DRP2: variants seen among roughly 807,000 people sequenced by gnomAD.
The protein encoded by DRP2 is dystrophin-related protein 2.
Under a neutral mutation model 78.2 loss-of-function variants are expected in DRP2, and 29 were observed. That is an observed-to-expected ratio of 0.37 (90% confidence interval 0.28 to 0.51). The LOEUF is 0.51. DRP2 is among the 20% of genes least tolerant of loss of function. The probability of loss-of-function intolerance (pLI) is 0.94; values close to 1 mark genes in which losing one functional copy is unlikely to be tolerated. For missense variants in DRP2, 686 were observed against 770.6 expected (o/e 0.89, Z 1.30); for synonymous variants, 290 against 281.9 (o/e 1.03, Z -0.29).
intron 21 of DRP2, among the ~76,000 whole-genome samples, chrX:101,257,098 T>C (rs1013487346): frequency 9.1e-6 from 1 of 109,978 alleles, no homozygotes. Flanking sequence ...GACATGACTT[T>C]CCATAAAGTA....
At chrX:101,231,876 AAC>A in intron 3 of DRP2, 112 bp downstream of exon 3, 2 of 570,850 alleles carry the variant, frequency 3.5e-6, no homozygotes, top group African/African-American at 2.3e-5. Context: ...GTATACATGC[AAC>A]CCCTTGGATA....
intron 2 of DRP2, among the ~76,000 whole-genome samples, chrX:101,230,774 A>G (rs993399746): frequency 2.7e-5 from 3 of 110,737 alleles, no homozygotes; most frequent in African/African-American, 9.9e-5. Flanking sequence ...TTTAACCTTC[A>G]CTGCCTAATG....
chrX:101,224,191 G>GTTTTTTTTTTTTTTTTTTTTTTTTTTT (rs1167730116), intron 1 of DRP2, among the ~76,000 whole-genome samples: 5 of 38,868 alleles, frequency 1.3e-4, no homozygotes, highest in Admixed American at 4.5e-4. Context: ...GGTTTTTTTT[G>GTTTTTTTTTTTTTTTTTTTTTTTTTTT]TTTTTTTTTT....
intron 14 of DRP2, among the ~76,000 whole-genome samples, chrX:101,249,566 T>G (rs1457145854): frequency 1.8e-5 from 2 of 111,296 alleles, no homozygotes; most frequent in Non-Finnish European, 3.8e-5. Context: ...AAGTCCAGCC[T>G]AGACAATATA....
At chrX:101,220,252 G>T (rs1206184099) in intron 1 of DRP2, 106 bp downstream of exon 1, 6 of 106,621 alleles carry the variant, frequency 5.6e-5, no homozygotes, top group Non-Finnish European at 9.6e-5. Flanking sequence ...CGGGCGAGGG[G>T]TGGGGGGAGA....
At chrX:101,246,412 T>C (rs1036882500) in intron 11 of DRP2, among the ~76,000 whole-genome samples, 2 of 112,818 alleles carry the variant, frequency 1.8e-5, no homozygotes, top group African/African-American at 6.4e-5. Context: ...CAGTTCATTC[T>C]TTTTTACCAC....
rs756173277 is a variant in DRP2, at chrX:101,236,418, T to C, written c.281+395T>C. Among the ~76,000 whole-genome samples the C allele has an allele frequency of 5.4e-5, 6 of 112,128 alleles. No homozygotes were observed. In the East Asian group the frequency reaches 1.7e-3, roughly 31 times the overall value. ...ATAAATGAAGGGGATGATTGCTCCCTTCTCCTCTTCCTCTCATAGCTGTCC... is the reference window on the plus strand; with the variant it reads ...ATAAATGAAGGGGATGATTGCTCCCCTCTCCTCTTCCTCTCATAGCTGTCC... On this transcript the variant is annotated intron_variant, in intron 4 of 23. Transcript: ENST00000395209.
chrX:101,259,741 G>T (rs1017384717), intron 22 of DRP2, among the ~76,000 whole-genome samples: 3 of 111,654 alleles, frequency 2.7e-5, no homozygotes, highest in Non-Finnish European at 3.8e-5. Flanking sequence ...CAGGTGATCC[G>T]CCTGCGTCAG....
intron 6 of DRP2, among the ~76,000 whole-genome samples, chrX:101,240,688 C>T (rs747981424): frequency 4.5e-4 from 51 of 112,436 alleles, no homozygotes; most frequent in African/African-American, 1.6e-3. Context: ...GAATCCTCAA[C>T]CCTCTGAGAT....
chrX:101,256,668 C>G (rs1307583568), intron 21 of DRP2, among the ~76,000 whole-genome samples: 2 of 107,128 alleles, frequency 1.9e-5, no homozygotes, highest in Non-Finnish European at 3.8e-5. Flanking sequence ...CATGCCTTAG[C>G]GTCCCGAGTA....
At chrX:101,250,858 T>C in intron 15 of DRP2, 59 bp from the exon 16 acceptor site, 2 of 1,180,001 alleles carry the variant, frequency 1.7e-6, no homozygotes, top group South Asian at 1.9e-5. Context: ...AGGGCTGCCA[T>C]TCTAGGGATA....
intron 2 of DRP2, among the ~76,000 whole-genome samples, chrX:101,227,276 T>C (rs1032888536): frequency 7.2e-5 from 8 of 111,846 alleles, no homozygotes; most frequent in African/African-American, 2.6e-4. Flanking sequence ...TTTTTTTTGT[T>C]TGTTTATATG....
intron 3 of DRP2, among the ~76,000 whole-genome samples, chrX:101,232,848 C>T (rs1047961190): frequency 8.9e-6 from 1 of 112,304 alleles, no homozygotes; most frequent in African/African-American, 3.2e-5. Context: ...TTGTCTACCC[C>T]CTCCAAACAC....
intron 10 of DRP2, 23 bp from the exon 11 acceptor site, chrX:101,245,365 A>G: frequency 8.4e-7 from 1 of 1,189,357 alleles, no homozygotes; most frequent in Non-Finnish European, 1.1e-6. Context: ...AGATGCTGGT[A>G]CTATTGATGC....
chrX:101,239,798 C>T (rs1279779288), intron 6 of DRP2, among the ~76,000 whole-genome samples: 1 of 111,494 alleles, frequency 9.0e-6, no homozygotes, highest in Non-Finnish European at 1.9e-5. Flanking sequence ...AGGATGGTCT[C>T]AATCTCCTGA....
At chrX:101,240,733 T>C (rs892749672) in intron 6 of DRP2, among the ~76,000 whole-genome samples, 3 of 112,402 alleles carry the variant, frequency 2.7e-5, no homozygotes, top group Non-Finnish European at 5.6e-5. Flanking sequence ...CCTTCATGAA[T>C]TGAGCCCTTT....
chrX:101,232,394 A>C (rs1412695660), intron 3 of DRP2, among the ~76,000 whole-genome samples: 1 of 111,116 alleles, frequency 9.0e-6, no homozygotes, highest in Admixed American at 9.6e-5. Flanking sequence ...AGTTGACTGG[A>C]GAAGGGAGAC....
intron 6 of DRP2, among the ~76,000 whole-genome samples, chrX:101,239,658 A>G (rs1922647119): frequency 9.0e-6 from 1 of 111,157 alleles, no homozygotes; most frequent in Admixed American, 9.5e-5. Context: ...GCCCACTGCA[A>G]GCTCCGCCTC....
chrX:101,259,575 T>G (rs971449558), intron 22 of DRP2, among the ~76,000 whole-genome samples: 3 of 111,927 alleles, frequency 2.7e-5, no homozygotes, highest in Non-Finnish European at 5.6e-5. Flanking sequence ...CTCAGCTCAC[T>G]GCAACCTCCG....
Sources: gnomAD v4.1 joint callset for allele counts (sites outside exome capture counted in the v4.1 genomes callset) on GRCh38, gnomAD v4.1.1 for gene constraint, MANE v1.5 for transcripts, NCBI Gene and HGNC (gene_info 2026-07-23, HGNC 2026-07-21) for gene names.